The following ADCK2 variants were observed in gnomAD, a reference collection of about 807,000 sequenced individuals.
ADCK2 encodes the protein uncharacterized aarF domain-containing protein kinase 2.
ADCK2 carries 37 observed loss-of-function variants against 52.3 expected under a neutral mutation model. That is an observed-to-expected ratio of 0.71 (90% CI 0.54 to 0.93). ADCK2 has a LOEUF of 0.93. Ranked by LOEUF, ADCK2 falls within the 40% of genes least tolerant of loss-of-function variation. The probability of loss-of-function intolerance (pLI) is 0.00; values close to 1 mark genes in which losing one functional copy is unlikely to be tolerated. For synonymous variants in ADCK2, 321 were observed against 349.2 expected (o/e 0.92, Z 0.90); for missense variants, 695 against 798.7 (o/e 0.87, Z 1.56).
chr7:140,685,634 C>G (rs961977867), intron 4 of ADCK2, among the ~76,000 whole-genome samples: 11 of 152,114 alleles, frequency 7.2e-5, no homozygotes, highest in African/African-American at 2.7e-4. Context: ...AAGCCACAGT[C>G]TGGACTAGGA....
At chr7:140,677,470 T>TA (rs1341008832) in intron 2 of ADCK2, among the ~76,000 whole-genome samples, 1 of 151,994 alleles carries the variant, frequency 6.6e-6, no homozygotes, top group Admixed American at 6.6e-5. Flanking sequence ...CCGGATTCAA[T>TA]AAAAAATGTA....
At position 140,674,256 on chromosome 7, in the gene ADCK2, C is replaced by T; in HGVS notation, c.926C>T (p.Ala309Val). The T allele has an allele frequency of 6.2e-7, 1 of 1,610,176 alleles. No individual in the cohort carries two copies. Among genetic ancestry groups the T allele is most frequent in the Non-Finnish European group, 8.5e-7 (1 of 1,177,880 alleles). The change falls in exon 1 of 8, where the codon GCA (alanine) becomes GTA (valine). Residue 309 changes from alanine (A) to valine (V), a missense_variant. By Grantham distance (64) the Ala-to-Val change is moderately conservative. Coordinates refer to ENST00000072869, the MANE Select transcript of ADCK2 (RefSeq NM_052853.4). The surrounding 1 kb of genome is among the most constrained non-coding windows in gnomAD (Gnocchi z 4.6). ...GAGGCCACCAACCTCATCTCCGTGG[C>T]AGTGAAAGTAAGTGTTGTGAGAGCT... is the stretch of plus-strand genomic sequence containing the variant. ...QPEATNLISV[A>V]VKVLHPGLLA...
At position 140,673,245 on chromosome 7, in the gene ADCK2, G is replaced by C; in HGVS notation, c.-86G>C. 1.6e-6 allele frequency: 2 copies of C among 1,225,520 alleles called. No individual in the cohort carries two copies. The highest frequency in any genetic ancestry group is 2.1e-6 in the Non-Finnish European group (2 of 934,464). 75.9% of individuals were successfully genotyped at this position (1,225,520 alleles called of 1,614,324 possible). On this transcript the variant is annotated 5_prime_UTR_variant, in exon 1 of 8. Coordinates refer to ENST00000072869, the MANE Select transcript of ADCK2 (RefSeq NM_052853.4). The surrounding 1 kb of genome is among the most constrained non-coding windows in gnomAD (Gnocchi z 6.4). ...GGGCAGCTCCGTCCGCGGGGTCAGG[G>C]CCGGGCTTCGGCTTCACCGCAGCCT...
At position 140,680,891 on chromosome 7, in the gene ADCK2, G is replaced by A. The variant is rs1794503848; in HGVS notation, c.1210-151G>A. On this transcript the variant is annotated intron_variant, in intron 3 of 7. Transcript: ENST00000072869. The stretch of plus-strand genomic sequence containing the variant: ...ATTACAGGTGTGAGCCACTGCACAT[G>A]GCTGAATGACAGATGGGTTCTAGGA... The A allele has an allele frequency of 4.4e-6, 3 of 683,144 alleles. No homozygotes were observed. In the South Asian group the frequency reaches 5.3e-5, roughly 12 times the overall value. 42.3% of individuals were successfully genotyped at this position (683,144 alleles called of 1,614,324 possible).
chr7:140,682,321 A>C (rs886500204), intron 4 of ADCK2, among the ~76,000 whole-genome samples: 1 of 152,200 alleles, frequency 6.6e-6, no homozygotes, highest in African/African-American at 2.4e-5. Context: ...GTGTCACTAC[A>C]TAAGGACAGG....
In ADCK2 at chr7:140,674,485, G is replaced by A. The variant is rs943618951; in HGVS notation, c.934-126G>A. ...GGAGTGAACTAACTGCTTGGGTGTC[G>A]GGACCACATCCTCTTTTCTTTGATA... On this transcript the variant is annotated intron_variant, in intron 1 of 7. Transcript: ENST00000072869. The surrounding 1 kb of genome is among the most constrained non-coding windows in gnomAD (Gnocchi z 4.6). 8 of 1,269,282 alleles carry A rather than the reference G, an allele frequency of 6.3e-6. No homozygotes were observed. The African/African-American group carries it at 7.5e-5, about 12-fold the overall frequency. 78.6% of individuals were successfully genotyped at this position (1,269,282 alleles called of 1,614,324 possible).
At chr7:140,688,680 G>A (rs1794651248) in intron 5 of ADCK2, among the ~76,000 whole-genome samples, 1 of 152,230 alleles carries the variant, frequency 6.6e-6, no homozygotes, top group South Asian at 2.1e-4. Context: ...GTGGCAGGCT[G>A]GTGAGATGCG....
In ADCK2 at chr7:140,694,808, G is replaced by A. The variant is rs1403259766; in HGVS notation, c.*5G>A. The A allele has an allele frequency of 3.1e-6, 5 of 1,611,254 alleles. No individual in the cohort carries two copies. Among genetic ancestry groups the A allele is most frequent in the Non-Finnish European group, 3.4e-6 (4 of 1,178,556 alleles). On this transcript the variant is annotated 3_prime_UTR_variant, in exon 8 of 8. Transcript: ENST00000072869. Reference sequence around the variant, plus strand: ...GGCCCAGTGTGCCCCCCGTGATGGGGCAGTGGCCTCTGTGGGCCCTTGTCA... The same window carrying A: ...GGCCCAGTGTGCCCCCCGTGATGGGACAGTGGCCTCTGTGGGCCCTTGTCA...
At position 140,673,199 on chromosome 7, in the gene ADCK2, G is replaced by A; in HGVS notation, c.-132G>A. The A allele has an allele frequency of 1.5e-6, 1 of 677,814 alleles. No individual in the cohort carries two copies. Among genetic ancestry groups the A allele is most frequent in the Non-Finnish European group, 2.1e-6 (1 of 468,714 alleles). The allele number at this position is 677,814 out of a possible 1,614,324, so 42.0% of individuals were successfully genotyped here. On this transcript the variant is annotated 5_prime_UTR_variant, in exon 1 of 8. Coordinates refer to ENST00000072869, the MANE Select transcript of ADCK2 (RefSeq NM_052853.4). The surrounding 1 kb of genome is among the most constrained non-coding windows in gnomAD (Gnocchi z 6.4). The stretch of plus-strand genomic sequence containing the variant: ...GCCCGGCGAGGTGCTGGAGGGAGCG[G>A]GGCGCGGATCCGGCCCAGATGGGCA...
At chr7:140,677,437 C>T (rs1794439232) in intron 2 of ADCK2, among the ~76,000 whole-genome samples, 1 of 151,934 alleles carries the variant, frequency 6.6e-6, no homozygotes, top group Admixed American at 6.6e-5. Flanking sequence ...ACAGTCAGCC[C>T]TCTGTCCATG....
intron 2 of ADCK2, among the ~76,000 whole-genome samples, chr7:140,677,322 C>T (rs1481691265): frequency 6.6e-6 from 1 of 151,792 alleles, no homozygotes; most frequent in Non-Finnish European, 1.5e-5. Flanking sequence ...GCAGGAGAAT[C>T]GCTTGAACCC....
At chr7:140,676,650 A>G (rs1794424103) in intron 2 of ADCK2, among the ~76,000 whole-genome samples, 1 of 152,182 alleles carries the variant, frequency 6.6e-6, no homozygotes, top group Non-Finnish European at 1.5e-5. Flanking sequence ...CCTAGGCTGG[A>G]AGCCTTAGAG....
intron 7 of ADCK2, among the ~76,000 whole-genome samples, chr7:140,694,059 G>A (rs1292882796): frequency 6.6e-6 from 1 of 152,150 alleles, no homozygotes; most frequent in Non-Finnish European, 1.5e-5. Context: ...CATGGCTCCT[G>A]CCTATAATCC....
intron 5 of ADCK2, among the ~76,000 whole-genome samples, chr7:140,689,007 C>T (rs1325053183): frequency 6.6e-6 from 1 of 150,616 alleles, no homozygotes; most frequent in Non-Finnish European, 1.5e-5. Flanking sequence ...TCACTCTGTT[C>T]CCTGGGCTGG....
rs1355443257 is a variant in ADCK2, at chr7:140,681,063, T to G, written c.1231T>G (p.Tyr411Asp). 6.2e-7 allele frequency: 1 copy of G among 1,614,148 alleles called. No homozygotes were observed. The highest frequency in any genetic ancestry group is 1.7e-5 in the Admixed American group (1 of 60,018). The change falls in exon 4 of 8, where the codon TAC becomes GAC. Residue 411 changes from tyrosine to aspartate, a missense_variant. Coordinates refer to ENST00000072869, the MANE Select transcript of ADCK2 (RefSeq NM_052853.4). Reference protein sequence around the residue: ...TYEESVPVSSYQQAGIPVDLK... With the variant: ...TYEESVPVSSDQQAGIPVDLK... ...GAAGGAGAGTGTGCCTGTGTCCAGTTACCAGCAGGCAGGAATTCCCGTGGA... is the reference window on the plus strand; with the variant it reads ...GAAGGAGAGTGTGCCTGTGTCCAGTGACCAGCAGGCAGGAATTCCCGTGGA...
Position 140,689,846 on chromosome 7 carries a change from C to A in ADCK2, c.1686+121C>A, listed in dbSNP as rs1428442999. ...TGTGAGTTTTAAAGCAGAAAAAGAACCACCCCACATCTTCCAGGCATGAGG... is the reference window on the plus strand; with the variant it reads ...TGTGAGTTTTAAAGCAGAAAAAGAAACACCCCACATCTTCCAGGCATGAGG... On this transcript the variant is annotated intron_variant, in intron 6 of 7. Coordinates refer to ENST00000072869, the MANE Select transcript of ADCK2 (RefSeq NM_052853.4). 4.9e-6 allele frequency: 6 copies of A among 1,223,978 alleles called. No individual in the cohort carries two copies. The East Asian group carries it at 9.1e-5, about 19-fold the overall frequency. 75.8% of individuals were successfully genotyped at this position (1,223,978 alleles called of 1,614,324 possible). A position where few individuals can be genotyped will look rare whatever the true frequency, so the allele number is the denominator to read the frequency against.
intron 3 of ADCK2, among the ~76,000 whole-genome samples, chr7:140,680,213 T>C (rs1220891735): frequency 6.6e-6 from 1 of 151,880 alleles, no homozygotes. Context: ...TGGCATGATC[T>C]CGGCTCACTG....
At position 140,679,206 on chromosome 7, in the gene ADCK2, C is replaced by T. The variant is rs768944788; in HGVS notation, c.1132C>T (p.Arg378Trp). 84 of 1,613,894 alleles carry T rather than the reference C, an allele frequency of 5.2e-5. No individual in the cohort carries two copies. Among genetic ancestry groups the T allele is most frequent in the Middle Eastern group, 1.6e-4 (1 of 6,084 alleles). Residue 378 changes from arginine (R) to tryptophan (W), a missense_variant, in exon 3 of 8, where the codon CGG (arginine) becomes TGG (tryptophan). Coordinates refer to ENST00000072869, the MANE Select transcript of ADCK2 (RefSeq NM_052853.4). ...TCTAGAACACTTCCAGGTCAACTTC[C>T]GGAATGTGAAAGCCGTCAAGTTCCC... ...QNLEHFQVNF[R>W]NVKAVKFPTP...
intron 3 of ADCK2, 67 bp from the exon 4 acceptor site, chr7:140,680,975 G>A (rs561578594): frequency 1.9e-5 from 27 of 1,430,308 alleles, no homozygotes; most frequent in Admixed American, 1.7e-4. Context: ...GTGGTGCCAC[G>A]TGGGAGGAGG....
Sources: allele counts gnomAD v4.1 joint callset (sites outside exome capture counted in the v4.1 genomes callset), GRCh38; gene constraint gnomAD v4.1.1; non-coding constraint Gnocchi (gnomAD v3.1); transcripts MANE v1.5; gene names NCBI Gene and HGNC (gene_info 2026-07-23, HGNC 2026-07-21).